The following TSHZ2 variants were observed in gnomAD, a reference collection of about 807,000 sequenced individuals.
TSHZ2 encodes teashirt zinc finger homeobox 2.
A neutral mutation model predicts 74.4 loss-of-function variants in TSHZ2; 21 were observed. That is an observed-to-expected ratio of 0.28 (90% CI 0.20 to 0.41). The LOEUF is 0.41. Among genes scored for constraint, TSHZ2 ranks in the 10% least tolerant of loss-of-function variants. The pLI is 1.00. For missense variants in TSHZ2, 1,244 were observed against 1,293.5 expected, an observed-to-expected ratio of 0.96 and a Z score of 0.59; for synonymous variants, 540 against 515.3, an observed-to-expected ratio of 1.05 and a Z score of -0.65.
In TSHZ2 at chr20:53,319,237, G is replaced by A. The variant is rs554935484; in HGVS notation, c.*8+62666G>A. On this transcript the variant is annotated intron_variant, in intron 2 of 2. Coordinates refer to ENST00000371497, the MANE Select transcript of TSHZ2 (RefSeq NM_173485.6). ...AGGCACTGAGTACAGTTGTAAAAAAGCCAAGTATAAGTGCTGCTCTTGTAG... is the reference window on the plus strand; with the variant it reads ...AGGCACTGAGTACAGTTGTAAAAAAACCAAGTATAAGTGCTGCTCTTGTAG... Among the ~76,000 whole-genome samples the A allele has an allele frequency of 6.6e-4, 101 of 152,310 alleles. No homozygotes were observed. The South Asian group carries it at 0.018, about 27-fold the overall frequency.
At chr20:53,166,104 T>C (rs1259295671) in intron 1 of TSHZ2, among the ~76,000 whole-genome samples, 1 of 152,226 alleles carries the variant, frequency 6.6e-6, no homozygotes. Context: ...TGACGACAAC[T>C]GGACATCTCC....
intron 2 of TSHZ2, among the ~76,000 whole-genome samples, chr20:53,331,885 A>G (rs1979736683): frequency 6.6e-6 from 1 of 152,078 alleles, no homozygotes; most frequent in South Asian, 2.1e-4. Context: ...TGATGTTTGG[A>G]ATCTGCAAAT....
intron 1 of TSHZ2, among the ~76,000 whole-genome samples, chr20:53,132,970 C>T (rs568040799): frequency 1.3e-5 from 2 of 152,260 alleles, no homozygotes; most frequent in East Asian, 3.9e-4. Flanking sequence ...TTTCATGATG[C>T]ATATCTCTTT....
intron 2 of TSHZ2, among the ~76,000 whole-genome samples, chr20:53,451,938 C>G (rs1600650830): frequency 6.6e-6 from 1 of 152,158 alleles, no homozygotes; most frequent in South Asian, 2.1e-4. Flanking sequence ...TGAGAAGAGC[C>G]TAGAAAGCAG....
intron 1 of TSHZ2, among the ~76,000 whole-genome samples, chr20:53,192,308 CA>C (rs941716924): frequency 8.6e-5 from 12 of 140,048 alleles, no homozygotes; most frequent in African/African-American, 2.9e-4. Flanking sequence ...AAAAAAAAAA[CA>C]AAAAAACAAC....
At chr20:53,080,431 T>C (rs1432304704) in intron 1 of TSHZ2, among the ~76,000 whole-genome samples, 2 of 152,196 alleles carry the variant, frequency 1.3e-5, no homozygotes, top group Non-Finnish European at 2.9e-5. Context: ...TTGAATCCTC[T>C]ATTAACATTG....
intron 1 of TSHZ2, among the ~76,000 whole-genome samples, chr20:52,995,192 A>T (rs769693445): frequency 6.6e-6 from 1 of 152,214 alleles, no homozygotes; most frequent in Non-Finnish European, 1.5e-5. Flanking sequence ...ACAGCTACAG[A>T]TACAGAGACC....
At chr20:53,285,775 T>C (rs915253011) in intron 2 of TSHZ2, among the ~76,000 whole-genome samples, 1 of 152,096 alleles carries the variant, frequency 6.6e-6, no homozygotes, top group Non-Finnish European at 1.5e-5. Context: ...CCCAGCTTCC[T>C]TTGTGAAGTG....
At chr20:53,097,994 A>T (rs1488062158) in intron 1 of TSHZ2, 1 of 152,230 alleles carries the variant, frequency 6.6e-6, no homozygotes, top group East Asian at 1.9e-4. Flanking sequence ...GATGATGTGG[A>T]TGTGTACAAT....
At chr20:53,075,809 G>A (rs1337115729) in intron 1 of TSHZ2, among the ~76,000 whole-genome samples, 1 of 152,188 alleles carries the variant, frequency 6.6e-6, no homozygotes, top group African/African-American at 2.4e-5. Flanking sequence ...CACCATCGGT[G>A]GGAGCCAGGT....
At chr20:53,016,738 A>C (rs1983052550) in intron 1 of TSHZ2, among the ~76,000 whole-genome samples, 1 of 152,184 alleles carries the variant, frequency 6.6e-6, no homozygotes, top group Non-Finnish European at 1.5e-5. Flanking sequence ...AATAGCCCCT[A>C]AGTCACAGTG....
intron 1 of TSHZ2, among the ~76,000 whole-genome samples, chr20:53,027,940 G>A (rs1456763295): frequency 6.6e-6 from 1 of 152,156 alleles, no homozygotes; most frequent in Non-Finnish European, 1.5e-5. Context: ...CTTGATTGCA[G>A]CGACACAGGA....
intron 1 of TSHZ2, among the ~76,000 whole-genome samples, chr20:53,177,313 C>T (rs1314608470): frequency 6.6e-6 from 1 of 152,200 alleles, no homozygotes; most frequent in Non-Finnish European, 1.5e-5. Flanking sequence ...TGCCGTGGCT[C>T]ATGTGAAGAT....
chr20:53,468,086 T>C (rs961847332), intron 2 of TSHZ2, among the ~76,000 whole-genome samples: 1 of 152,238 alleles, frequency 6.6e-6, no homozygotes, highest in African/African-American at 2.4e-5. Context: ...TTTATAATTA[T>C]TCAATCCAAG....
intron 1 of TSHZ2, among the ~76,000 whole-genome samples, chr20:53,056,643 T>C (rs1984650120): frequency 6.6e-6 from 1 of 152,300 alleles, no homozygotes; most frequent in East Asian, 1.9e-4. Flanking sequence ...CCATACCAAC[T>C]ACACAAACCC....
intron 1 of TSHZ2, among the ~76,000 whole-genome samples, chr20:52,995,637 T>G (rs796583769): frequency 2.7e-5 from 4 of 145,624 alleles, no homozygotes; most frequent in African/African-American, 1.0e-4. Context: ...TTTTGAGACA[T>G]AGTCTCGCTC....
At chr20:53,305,102 A>ATT (rs796181946) in intron 2 of TSHZ2, among the ~76,000 whole-genome samples, 5 of 143,134 alleles carry the variant, frequency 3.5e-5, no homozygotes, top group African/African-American at 1.0e-4. Context: ...CGCCTGACTA[A>ATT]TTTTTTTTTG....
intron 2 of TSHZ2, among the ~76,000 whole-genome samples, chr20:53,352,526 C>G (rs1472231277): frequency 1.3e-5 from 2 of 151,950 alleles, no homozygotes; most frequent in African/African-American, 2.4e-5. Flanking sequence ...ACTCTCTCAG[C>G]ACTTTGGGAG....
chr20:53,275,929 A>AAAAC (rs907389353), intron 2 of TSHZ2, among the ~76,000 whole-genome samples: 1 of 152,240 alleles, frequency 6.6e-6, no homozygotes, highest in Non-Finnish European at 1.5e-5. Context: ...CTCCGTCTCA[A>AAAAC]AAACAAACAA....
Sources: gnomAD v4.1 joint callset for allele counts (sites outside exome capture counted in the v4.1 genomes callset) on GRCh38, gnomAD v4.1.1 for gene constraint, MANE v1.5 for transcripts, NCBI Gene and HGNC (gene_info 2026-07-23, HGNC 2026-07-21) for gene names.